The following ACYP2 variants were observed in gnomAD, a reference collection of about 807,000 sequenced individuals.
ACYP2 encodes acylphosphatase 2, also known as acylphosphatase-2.
Under a neutral mutation model 11.2 loss-of-function variants are expected in ACYP2, and 12 were observed. The observed-to-expected ratio is 1.08, with a 90% CI of 0.69 to 1.74. The LOEUF (loss-of-function observed/expected upper bound fraction) is 1.74, where lower values mean the gene tolerates loss of function less well. Ranked by LOEUF, ACYP2 falls within the 40% of genes most tolerant of loss-of-function variation. The pLI, the probability that ACYP2 is intolerant of heterozygous loss-of-function variation, is 0.00. For missense variants in ACYP2, 134 were observed against 101.9 expected, an observed-to-expected ratio of 1.31 and a Z score of -1.35; for synonymous variants, 43 against 32.2, an observed-to-expected ratio of 1.33 and a Z score of -1.13.
chr2:54,143,593 C>T (rs886799197), intron 6 of ACYP2, among the ~76,000 whole-genome samples: 1 of 152,046 alleles, frequency 6.6e-6, no homozygotes, highest in Non-Finnish European at 1.5e-5. Context: ...GCCACCACTC[C>T]CAGCTAATTT....
At chr2:53,986,454 A>G (rs1455819093) in intron 2 of ACYP2, among the ~76,000 whole-genome samples, 2 of 151,384 alleles carry the variant, frequency 1.3e-5, no homozygotes, top group Non-Finnish European at 2.9e-5. Context: ...CTCCTGCCTC[A>G]GTCTCCTGAG....
chr2:54,149,113 T>C (rs1482438827), intron 6 of ACYP2, among the ~76,000 whole-genome samples: 1 of 152,224 alleles, frequency 6.6e-6, no homozygotes, highest in Non-Finnish European at 1.5e-5. Context: ...TAGCTGGGCA[T>C]GGGCCTTACT....
intron 6 of ACYP2, among the ~76,000 whole-genome samples, chr2:54,300,317 A>G (rs1332809532): frequency 6.6e-6 from 1 of 152,160 alleles, no homozygotes; most frequent in Non-Finnish European, 1.5e-5. Context: ...TTCCCTTTCA[A>G]GATTGAAGGA....
At chr2:53,980,563 A>C (rs1296632468) in intron 2 of ACYP2, among the ~76,000 whole-genome samples, 1 of 152,050 alleles carries the variant, frequency 6.6e-6, no homozygotes, top group Non-Finnish European at 1.5e-5. Context: ...TAAAAAATAA[A>C]AAAATAAAGA....
chr2:54,256,280 C>A, intron 6 of ACYP2: 1 of 1,012,414 alleles, frequency 9.9e-7, no homozygotes, highest in Non-Finnish European at 1.5e-6. Flanking sequence ...CTCGCGACAC[C>A]CACCCCTCAG....
chr2:54,037,401 C>T (rs2104559600), intron 2 of ACYP2, among the ~76,000 whole-genome samples: 1 of 152,118 alleles, frequency 6.6e-6, no homozygotes, highest in African/African-American at 2.4e-5. Flanking sequence ...AGGCATAAGC[C>T]ACCATACCAA....
chr2:54,047,618 G>A (rs1388824948), intron 2 of ACYP2, among the ~76,000 whole-genome samples: 1 of 152,178 alleles, frequency 6.6e-6, no homozygotes, highest in African/African-American at 2.4e-5. Flanking sequence ...AATGAAATGT[G>A]GAGGTGAGGC....
chr2:53,983,704 A>G (rs1039162863), intron 2 of ACYP2, among the ~76,000 whole-genome samples: 2 of 152,202 alleles, frequency 1.3e-5, no homozygotes. Context: ...TGCTTCAGAT[A>G]TATCAATACA....
At chr2:54,268,605 C>G (rs1243766763) in intron 6 of ACYP2, among the ~76,000 whole-genome samples, 2 of 145,876 alleles carry the variant, frequency 1.4e-5, no homozygotes, top group Non-Finnish European at 3.0e-5. Flanking sequence ...AGTTCGAAAC[C>G]AGCCTGGGCA....
At chr2:54,102,899 T>C (rs571441349) in intron 4 of ACYP2, among the ~76,000 whole-genome samples, 46 of 152,312 alleles carry the variant, frequency 3.0e-4, no homozygotes, top group African/African-American at 1.0e-3. Flanking sequence ...AGGGAATACC[T>C]CATTTCTAAT....
At chr2:54,291,064 T>C (rs1399023662) in intron 6 of ACYP2, among the ~76,000 whole-genome samples, 2 of 152,148 alleles carry the variant, frequency 1.3e-5, no homozygotes, top group Non-Finnish European at 2.9e-5. Context: ...TCTAAAACCA[T>C]GCAAATCTAG....
chr2:54,260,989 G>A (rs1211809624), intron 6 of ACYP2, among the ~76,000 whole-genome samples: 2 of 152,264 alleles, frequency 1.3e-5, no homozygotes, highest in South Asian at 2.1e-4. Flanking sequence ...GTATTCTAGG[G>A]CCAAGGTATA....
intron 4 of ACYP2, among the ~76,000 whole-genome samples, chr2:54,070,112 A>C (rs902309202): frequency 6.6e-5 from 10 of 152,114 alleles, no homozygotes; most frequent in Non-Finnish European, 1.3e-4. Context: ...CTCTACTAAA[A>C]ATACAAAATT....
intron 3 of ACYP2, among the ~76,000 whole-genome samples, chr2:54,056,130 A>T (rs774471146): frequency 2.0e-5 from 3 of 152,212 alleles, no homozygotes; most frequent in Non-Finnish European, 4.4e-5. Context: ...CAGGGAGTAG[A>T]GAAAAAGAGC....
intron 2 of ACYP2, among the ~76,000 whole-genome samples, chr2:53,994,287 G>A (rs570635834): frequency 1.8e-3 from 216 of 121,754 alleles, no homozygotes; most frequent in African/African-American, 6.3e-3. Context: ...CAGAGATCGC[G>A]CCCCTGCACT....
intron 2 of ACYP2, chr2:53,975,149 C>T (rs1671407531): frequency 1.3e-5 from 5 of 386,618 alleles, no homozygotes; most frequent in African/African-American, 4.2e-5. Flanking sequence ...TGCTTGAACC[C>T]GGGAGGCAGA....
intron 6 of ACYP2, among the ~76,000 whole-genome samples, chr2:54,286,925 CGTAA>C (rs1253317830): frequency 1.3e-5 from 2 of 151,828 alleles, no homozygotes; most frequent in Admixed American, 6.6e-5. Context: ...TAAAAAGCTC[CGTAA>C]GTATTTGTGA....
At chr2:54,153,761 G>A (rs1247602543) in intron 6 of ACYP2, among the ~76,000 whole-genome samples, 3 of 151,618 alleles carry the variant, frequency 2.0e-5, no homozygotes, top group Non-Finnish European at 2.9e-5. Context: ...CACCACACCC[G>A]GCTAATTTTT....
chr2:54,289,974 G>C (rs574429266), intron 6 of ACYP2, among the ~76,000 whole-genome samples: 1 of 152,074 alleles, frequency 6.6e-6, no homozygotes, highest in African/African-American at 2.4e-5. Flanking sequence ...TGTGATTTTT[G>C]CTTCTGCTTT....
Sources: allele counts gnomAD v4.1 joint callset (sites outside exome capture counted in the v4.1 genomes callset), GRCh38; gene constraint gnomAD v4.1.1; transcripts MANE v1.5; gene names NCBI Gene and HGNC (gene_info 2026-07-23, HGNC 2026-07-21).